LRGUK: variants seen among roughly 807,000 people sequenced by gnomAD.
LRGUK encodes the protein leucine-rich repeat and guanylate kinase domain-containing protein.
In LRGUK, 65 loss-of-function variants were observed where a neutral mutation model predicts 76.0. The observed-to-expected ratio is 0.85, with a 90% CI of 0.70 to 1.05. The LOEUF (loss-of-function observed/expected upper bound fraction) is 1.05, where lower values mean the gene tolerates loss of function less well. Ranked by LOEUF, LRGUK falls within the 50% of genes least tolerant of loss-of-function variation. The pLI, the probability that LRGUK is intolerant of heterozygous loss-of-function variation, is 0.00. For missense variants in LRGUK, 758 were observed against 732.8 expected (o/e 1.03, Z -0.40); for synonymous variants, 268 against 265.6 (o/e 1.01, Z -0.09).
intron 13 of LRGUK, among the ~76,000 whole-genome samples, chr7:134,197,467 T>C (rs56983657): frequency 0.012 from 1,789 of 152,318 alleles, 38 homozygotes; most frequent in African/African-American, 0.041. Flanking sequence ...AATGCTCCTT[T>C]TTCTTTTTAG....
At chr7:134,149,008 T>C in intron 5 of LRGUK, among the ~76,000 whole-genome samples, 1 of 151,664 alleles carries the variant, frequency 6.6e-6, no homozygotes, top group Middle Eastern at 3.4e-3. Context: ...GATATGGTCA[T>C]AAGGAAAATT....
chr7:134,274,892 A>T, the LRGUK span, among the ~76,000 whole-genome samples: 2 of 152,096 alleles, frequency 1.3e-5, no homozygotes, highest in African/African-American at 4.8e-5. Flanking sequence ...AACTCAATTC[A>T]AATCTGTCTT....
intron 15 of LRGUK, among the ~76,000 whole-genome samples, chr7:134,216,441 T>G (rs1801438142): frequency 6.6e-6 from 1 of 152,058 alleles, no homozygotes; most frequent in Admixed American, 6.5e-5. Context: ...AATCAAGAGG[T>G]TCTTCTATGG....
At chr7:134,241,077 A>G (rs1253139714) in intron 16 of LRGUK, among the ~76,000 whole-genome samples, 4 of 152,314 alleles carry the variant, frequency 2.6e-5, no homozygotes, top group Non-Finnish European at 4.4e-5. Context: ...AGGAACAACC[A>G]GTACCAGCCA....
chr7:134,158,135 G>A, exon 6 of LRGUK: 1 of 1,612,672 alleles, frequency 6.2e-7, no homozygotes, highest in East Asian at 2.2e-5. Context: ...GCTTAAACAA[G>A]TTACCAATCA....
downstream of LRGUK, among the ~76,000 whole-genome samples, chr7:134,269,183 G>T (rs544406510): frequency 1.4e-3 from 217 of 152,144 alleles, 1 homozygote; most frequent in African/African-American, 5.0e-3. Flanking sequence ...TCAGTTCAAT[G>T]AATTTTTAAT....
At chr7:134,191,591 G>GAAA (rs1800250650) in intron 11 of LRGUK, 64 bp from the exon 12 acceptor site, 1 of 1,055,654 alleles carries the variant, frequency 9.5e-7, no homozygotes. Flanking sequence ...AATTTATATT[G>GAAA]AAACCTTTTC....
chr7:134,258,993 C>T (rs2598273), intron 19 of LRGUK, among the ~76,000 whole-genome samples: 9 of 152,036 alleles, frequency 5.9e-5, no homozygotes, highest in South Asian at 2.1e-4. Context: ...TCTGGGACAA[C>T]GACCACATGC....
At chr7:134,195,499 A>G (rs1043418292) in intron 12 of LRGUK, among the ~76,000 whole-genome samples, 1 of 152,178 alleles carries the variant, frequency 6.6e-6, no homozygotes, top group East Asian at 1.9e-4. Context: ...TAATTTTGCA[A>G]TGGAGGTTTC....
In LRGUK at chr7:134,145,288, C is replaced by T. The variant is rs1797922172; in HGVS notation, c.588+2126C>T. 2.0e-5 allele frequency among the ~76,000 whole-genome samples: 3 copies of T among 151,912 alleles called. No individual in the cohort carries two copies. In the South Asian group the frequency reaches 6.2e-4, roughly 32 times the overall value. On this transcript the variant is annotated intron_variant, in intron 4 of 15. Transcript: ENST00000645682. ...TTAAGATGGAGTCTCATGCTTGTTG[C>T]CCAGGCTGGAGTGCAATAGCAAGAT...
intron 10 of LRGUK, among the ~76,000 whole-genome samples, chr7:134,180,361 C>T (rs1799689539): frequency 6.6e-6 from 1 of 151,946 alleles, no homozygotes; most frequent in Admixed American, 6.6e-5. Context: ...CTACCTGTAT[C>T]TGTTCTATCT....
At chr7:134,132,919 G>C (rs1797373450) in intron 1 of LRGUK, among the ~76,000 whole-genome samples, 1 of 152,184 alleles carries the variant, frequency 6.6e-6, no homozygotes, top group Non-Finnish European at 1.5e-5. Flanking sequence ...AGACGGCAAA[G>C]GAGTTGAGGC....
chr7:134,179,988 CTGGTATAATTGGGG>C (rs1394843593), intron 10 of LRGUK, among the ~76,000 whole-genome samples: 1 of 152,170 alleles, frequency 6.6e-6, no homozygotes, highest in Non-Finnish European at 1.5e-5. Context: ...GTCCCCTCTC[CTGGTATAATTGGGG>C]TGAGGATACA....
At chr7:134,136,860 A>C (rs1456175814) in intron 1 of LRGUK, among the ~76,000 whole-genome samples, 163 bp from the exon 2 acceptor site, 1 of 152,244 alleles carries the variant, frequency 6.6e-6, no homozygotes, top group Admixed American at 6.5e-5. Flanking sequence ...TATATGTAAT[A>C]TGTATATGTT....
intron 5 of LRGUK, among the ~76,000 whole-genome samples, chr7:134,150,975 A>T (rs1403009820): frequency 6.6e-6 from 1 of 152,184 alleles, no homozygotes; most frequent in East Asian, 1.9e-4. Flanking sequence ...TGTTTTAAAA[A>T]ATTCAAAAAC....
chr7:134,205,977 G>A (rs1329139684), intron 15 of LRGUK, among the ~76,000 whole-genome samples: 2 of 152,124 alleles, frequency 1.3e-5, no homozygotes, highest in Non-Finnish European at 2.9e-5. Flanking sequence ...GTAATTTTAT[G>A]TTGCTAATTT....
At chr7:134,185,807 T>G (rs1245822188) in intron 11 of LRGUK, among the ~76,000 whole-genome samples, 1 of 152,216 alleles carries the variant, frequency 6.6e-6, no homozygotes, top group Non-Finnish European at 1.5e-5. Context: ...AACAGGTCCA[T>G]TTATTTAGAT....
intron 10 of LRGUK, among the ~76,000 whole-genome samples, chr7:134,178,926 CAA>C (rs950815389): frequency 4.6e-5 from 2 of 43,556 alleles, no homozygotes; most frequent in South Asian, 7.7e-4. Context: ...AGTGAAATCT[CAA>C]AAAAAAAAAA....
intron 5 of LRGUK, among the ~76,000 whole-genome samples, chr7:134,156,864 A>G (rs556504783): frequency 6.6e-6 from 1 of 152,334 alleles, no homozygotes; most frequent in South Asian, 2.1e-4. Flanking sequence ...GAAAGAAATC[A>G]TTAAAGAGAT....
Sources: gnomAD v4.1 joint callset for allele counts (sites outside exome capture counted in the v4.1 genomes callset) on GRCh38, gnomAD v4.1.1 for gene constraint, MANE v1.5 for transcripts, NCBI Gene and HGNC (gene_info 2026-07-23, HGNC 2026-07-21) for gene names.